Variants in HMGCLL1 observed in about 807,000 individuals in gnomAD.
HMGCLL1 encodes 3-hydroxymethyl-3-methylglutaryl-CoA lyase, cytoplasmic.
Under a neutral mutation model 39.1 loss-of-function variants are expected in HMGCLL1, and 36 were observed. That is an observed-to-expected ratio of 0.92 (90% CI 0.71 to 1.22). The LOEUF (loss-of-function observed/expected upper bound fraction) is 1.22. HMGCLL1 is among the 50% of genes most tolerant of loss of function. HMGCLL1 has a pLI of 0.00. For missense variants in HMGCLL1, 451 were observed against 416.5 expected (o/e 1.08, Z -0.72); for synonymous variants, 149 against 144.0 (o/e 1.03, Z -0.25).
rs78499814 is a variant in HMGCLL1, at chr6:55,534,318, C to T, written c.297+7411G>A. On this transcript the variant is annotated intron_variant, in intron 3 of 8. Transcript: ENST00000274901. ...AGTGGTATTTCCCCTCCCACTTGCT[C>T]TTCCAGAATGCTGTGACCCAATATA... is the stretch of plus-strand genomic sequence containing the variant. 5.1e-3 allele frequency among the ~76,000 whole-genome samples: 783 copies of T among 152,238 alleles called. 11 individuals are homozygous for T. Among genetic ancestry groups the T allele is most frequent in the African/African-American group, 0.018 (741 of 41,546 alleles).
In HMGCLL1 at chr6:55,434,722, C is replaced by A. The variant is rs780190533; in HGVS notation, c.*940G>T. The A allele has an allele frequency of 6.6e-6, 1 of 151,816 alleles. No homozygotes were observed. The highest frequency in any genetic ancestry group is 1.5e-5 in the Non-Finnish European group (1 of 67,944). The allele number at this position is 151,816 out of a possible 1,614,324, so 9.4% of individuals were successfully genotyped here. On this transcript the variant is annotated 3_prime_UTR_variant, in exon 9 of 9. Transcript: ENST00000274901. Reference sequence around the variant, plus strand: ...TCTAAAATAACCACTAAAAAATACACCAAAAAATAATGTGGGTAAGCAAAG... The same window carrying A: ...TCTAAAATAACCACTAAAAAATACAACAAAAAATAATGTGGGTAAGCAAAG...
the HMGCLL1 span, among the ~76,000 whole-genome samples, chr6:55,613,836 C>T: frequency 4.6e-5 from 7 of 152,092 alleles, no homozygotes; most frequent in Admixed American, 1.3e-4. Context: ...GACTTAATAC[C>T]AAGGTGATGT....
At chr6:55,525,555 T>C (rs1297330485) in intron 3 of HMGCLL1, among the ~76,000 whole-genome samples, 1 of 151,962 alleles carries the variant, frequency 6.6e-6, no homozygotes, top group Non-Finnish European at 1.5e-5. Context: ...TGGAACTCTC[T>C]TAGAAAACCC....
intron 3 of HMGCLL1, among the ~76,000 whole-genome samples, chr6:55,521,034 T>G (rs1195814384): frequency 6.6e-6 from 1 of 152,112 alleles, no homozygotes; most frequent in African/African-American, 2.4e-5. Flanking sequence ...GCTTAGAGAT[T>G]TTATTTGCTA....
chr6:55,562,894 A>G (rs1208532208), intron 1 of HMGCLL1, among the ~76,000 whole-genome samples: 1 of 151,858 alleles, frequency 6.6e-6, no homozygotes, highest in African/African-American at 2.4e-5. Flanking sequence ...TCTTTGGCCA[A>G]CTCATTACTT....
At chr6:55,609,954 G>A in the HMGCLL1 span, among the ~76,000 whole-genome samples, 2 of 151,982 alleles carry the variant, frequency 1.3e-5, no homozygotes, top group Admixed American at 1.3e-4. Flanking sequence ...CCTGACTATT[G>A]AAAGAAAAAC....
At chr6:55,651,015 C>T in the HMGCLL1 span, among the ~76,000 whole-genome samples, 1 of 152,076 alleles carries the variant, frequency 6.6e-6, no homozygotes, top group Non-Finnish European at 1.5e-5. Context: ...CCCTAAGAGC[C>T]TGCTTGTTGG....
At chr6:55,673,518 C>A in the HMGCLL1 span, among the ~76,000 whole-genome samples, 1 of 151,946 alleles carries the variant, frequency 6.6e-6, no homozygotes, top group East Asian at 1.9e-4. Context: ...TAAACCTACA[C>A]AAGGGCGAAC....
At chr6:55,591,978 C>A in the HMGCLL1 span, among the ~76,000 whole-genome samples, 1 of 151,908 alleles carries the variant, frequency 6.6e-6, no homozygotes, top group East Asian at 1.9e-4. Flanking sequence ...CTTTTCAAGG[C>A]AGTAATCTAT....
Position 55,476,191 on chromosome 6 carries a change from C to A in HMGCLL1, c.795+19228G>T, listed in dbSNP as rs111386398. On this transcript the variant is annotated intron_variant, in intron 7 of 8. Coordinates refer to ENST00000274901, the MANE Select transcript of HMGCLL1 (RefSeq NM_001042406.2). ...AAACTGGTATTTGTTCAATATTGAG[C>A]CTTCCAAGCCTGAAACTTATCTCTC... 9.2e-3 allele frequency among the ~76,000 whole-genome samples: 1,399 copies of A among 151,576 alleles called. 25 individuals carry two copies. The highest frequency in any genetic ancestry group is 0.031 in the African/African-American group (1,304 of 41,430).
intron 7 of HMGCLL1, among the ~76,000 whole-genome samples, chr6:55,446,183 C>T (rs1336427611): frequency 1.3e-5 from 2 of 151,096 alleles, no homozygotes; most frequent in African/African-American, 4.9e-5. Context: ...TAATGAGAAG[C>T]AACTGTTATT....
the HMGCLL1 span, among the ~76,000 whole-genome samples, chr6:55,640,726 T>C: frequency 6.6e-6 from 1 of 151,682 alleles, no homozygotes; most frequent in Admixed American, 6.6e-5. Context: ...ATATCATATA[T>C]ATTTGTGACA....
the HMGCLL1 span, among the ~76,000 whole-genome samples, chr6:55,625,514 T>A: frequency 0.34 from 51,356 of 151,856 alleles, 9,025 homozygotes; most frequent in African/African-American, 0.42. Flanking sequence ...GGTTCACAGA[T>A]GGTTCTGCAC....
At chr6:55,636,172 G>C in the HMGCLL1 span, among the ~76,000 whole-genome samples, 1 of 151,948 alleles carries the variant, frequency 6.6e-6, no homozygotes, top group African/African-American at 2.4e-5. Context: ...TAATAAAGTA[G>C]AGACCACCTC....
the HMGCLL1 span, among the ~76,000 whole-genome samples, chr6:55,605,949 T>G: frequency 6.6e-6 from 1 of 152,216 alleles, no homozygotes; most frequent in Non-Finnish European, 1.5e-5. Context: ...CAGTACAATT[T>G]TTCTTGCTTA....
intron 7 of HMGCLL1, among the ~76,000 whole-genome samples, chr6:55,481,594 T>C (rs1001218555): frequency 8.5e-5 from 13 of 152,078 alleles, no homozygotes; most frequent in African/African-American, 2.9e-4. Flanking sequence ...ATCTACACTC[T>C]TAGAGTAGGC....
At chr6:55,606,825 A>G in the HMGCLL1 span, among the ~76,000 whole-genome samples, 2 of 152,086 alleles carry the variant, frequency 1.3e-5, no homozygotes, top group Non-Finnish European at 2.9e-5. Flanking sequence ...AGGTGGGCCC[A>G]ATGTAATCAC....
intron 1 of HMGCLL1, among the ~76,000 whole-genome samples, chr6:55,559,347 C>A (rs1405046326): frequency 6.6e-6 from 1 of 152,088 alleles, no homozygotes; most frequent in Admixed American, 6.6e-5. Flanking sequence ...AGAGATTTGA[C>A]CAGAAGGTTA....
the HMGCLL1 span, among the ~76,000 whole-genome samples, chr6:55,677,967 T>A: frequency 6.6e-6 from 1 of 152,222 alleles, no homozygotes; most frequent in African/African-American, 2.4e-5. Flanking sequence ...TGATGTTGAT[T>A]ACCTAACCCC....
Sources: gnomAD v4.1 joint callset for allele counts (sites outside exome capture counted in the v4.1 genomes callset) on GRCh38, gnomAD v4.1.1 for gene constraint, MANE v1.5 for transcripts, NCBI Gene and HGNC (gene_info 2026-07-23, HGNC 2026-07-21) for gene names.